RP1: variants seen among roughly 807,000 people sequenced by gnomAD.
RP1 encodes RP1 axonemal microtubule associated, also known as oxygen-regulated protein 1.
Under a neutral mutation model 14.8 loss-of-function variants are expected in RP1, and 16 were observed. The ratio of observed to expected loss-of-function variants is 1.08; its 90% CI spans 0.73 to 1.65. The LOEUF (loss-of-function observed/expected upper bound fraction) is 1.65, where lower values mean the gene tolerates loss of function less well. Among genes scored for constraint, RP1 ranks in the 40% most tolerant of loss-of-function variants. The pLI is 0.00. For missense variants in RP1, 2,631 were observed against 2,535.0 expected, an observed-to-expected ratio of 1.04 and a Z score of -0.81; for synonymous variants, 876 against 883.6, an observed-to-expected ratio of 0.99 and a Z score of 0.15.
chr8:54,627,608 T>C lies in RP1; in HGVS notation c.3726T>C (p.Ser1242=). 1 of 1,614,188 alleles carries C rather than the reference T, an allele frequency of 6.2e-7. No individual in the cohort carries two copies. The highest frequency in any genetic ancestry group is 8.5e-7 in the Non-Finnish European group (1 of 1,179,982). Residue 1242 remains serine (S), a synonymous_variant, in exon 4 of 4, where the codon AGT becomes AGC. Transcript: ENST00000220676. ...ISSLDGGCSA[S]EACAPEVCVL... ...CTTTGGATGGAGGTTGCTCTGCCAG[T>C]GAGGCATGTGCCCCTGAAGTCTGTG...
At chr8:54,730,035 C>T (rs536332852) in intron 17 of RP1, among the ~76,000 whole-genome samples, 1 of 151,706 alleles carries the variant, frequency 6.6e-6, no homozygotes, top group Non-Finnish European at 1.5e-5. Flanking sequence ...TGTAAGTTTT[C>T]GTTCATCATA....
intron 15 of RP1, among the ~76,000 whole-genome samples, chr8:54,716,448 A>G (rs2129348841): frequency 6.6e-6 from 1 of 152,278 alleles, no homozygotes; most frequent in East Asian, 1.9e-4. Context: ...CGGGACATAG[A>G]CCATTCTTGA....
intron 23 of RP1, among the ~76,000 whole-genome samples, chr8:54,776,082 A>G (rs902781601): frequency 1.3e-5 from 2 of 152,242 alleles, no homozygotes; most frequent in Non-Finnish European, 2.9e-5. Context: ...TTTAAAAAAT[A>G]CTATTTATAC....
intron 3 of RP1, among the ~76,000 whole-genome samples, chr8:54,646,909 C>T (rs557333933): frequency 6.6e-6 from 1 of 152,278 alleles, no homozygotes; most frequent in South Asian, 2.1e-4. Flanking sequence ...AGTCATCCTA[C>T]AGAGCATAGC....
intron 4 of RP1, among the ~76,000 whole-genome samples, chr8:54,650,662 T>TC (rs1806637197): frequency 9.7e-6 from 1 of 102,834 alleles, no homozygotes; most frequent in Admixed American, 1.1e-4. Context: ...TCCCTTCCCC[T>TC]CCCCCGTCTA....
Position 54,726,343 on chromosome 8 carries a change from A to C in RP1, c.2390-2A>C. The C allele has an allele frequency of 6.6e-7, 1 of 1,518,350 alleles. No homozygotes were observed. The highest frequency in any genetic ancestry group is 8.8e-7 in the Non-Finnish European group (1 of 1,140,966). The allele number at this position is 1,518,350 out of a possible 1,614,324, so 94.1% of individuals were successfully genotyped here. A position where few individuals can be genotyped will look rare whatever the true frequency, so the allele number is the denominator to read the frequency against. On this transcript the variant is annotated splice_acceptor_variant, in intron 16 of 22. Coordinates refer to the RP1 transcript ENST00000636932. LOFTEE classifies it high-confidence loss of function. ...TGGCATCTTTTAAAATCTTAATTTC[A>C]GTTGGCAGAGAAAACCCAATGGGAA...
chr8:54,749,862 CTTT>C (rs76358471), intron 19 of RP1, among the ~76,000 whole-genome samples: 7 of 139,930 alleles, frequency 5.0e-5, no homozygotes, highest in African/African-American at 1.8e-4. Flanking sequence ...TTGGAGGTTT[CTTT>C]TTTTTTTTTT....
At chr8:54,736,478 A>G (rs1157074861) in intron 18 of RP1, among the ~76,000 whole-genome samples, 2 of 152,164 alleles carry the variant, frequency 1.3e-5, no homozygotes, top group African/African-American at 4.8e-5. Context: ...ATACTCACTT[A>G]AAAGCCTTGC....
chr8:54,754,150 G>C (rs956547456), intron 19 of RP1, among the ~76,000 whole-genome samples: 11 of 152,136 alleles, frequency 7.2e-5, no homozygotes, highest in East Asian at 3.9e-4. Context: ...CACTGGGTTG[G>C]GGGGAAGGGC....
chr8:54,702,976 T>C (rs955516270), intron 14 of RP1, among the ~76,000 whole-genome samples: 6 of 152,216 alleles, frequency 3.9e-5, no homozygotes, highest in African/African-American at 1.4e-4. Context: ...GCTCCACTTC[T>C]CATTCTAGCT....
chr8:54,778,066 C>T (rs562104333), intron 23 of RP1, among the ~76,000 whole-genome samples: 10 of 152,114 alleles, frequency 6.6e-5, no homozygotes, highest in Non-Finnish European at 1.5e-4. Flanking sequence ...GATCCCAAAA[C>T]GTTTCATAAA....
chr8:54,821,796 C>T (rs1413350520), intron 24 of RP1, among the ~76,000 whole-genome samples: 1 of 152,182 alleles, frequency 6.6e-6, no homozygotes, highest in Non-Finnish European at 1.5e-5. Context: ...CTGTACTGCC[C>T]ATATTTTGCC....
At chr8:54,559,652 C>T (rs768970974) in intron 1 of RP1, among the ~76,000 whole-genome samples, 51 of 152,220 alleles carry the variant, frequency 3.4e-4, no homozygotes, top group Non-Finnish European at 4.9e-4. Flanking sequence ...GCCATGTATA[C>T]GACTTGTGAT....
chr8:54,696,729 G>A (rs923132939), intron 12 of RP1: 9 of 723,574 alleles, frequency 1.2e-5, no homozygotes, highest in African/African-American at 8.7e-5. Flanking sequence ...TCAAGACTTC[G>A]CCTAAAGAAA....
At chr8:54,685,473 T>A (rs1255499052) in intron 12 of RP1, among the ~76,000 whole-genome samples, 2 of 152,156 alleles carry the variant, frequency 1.3e-5, no homozygotes, top group African/African-American at 4.8e-5. Flanking sequence ...TTTGAATGAA[T>A]TTCTTAATTT....
chr8:54,679,443 A>T, exon 10 of RP1: 1 of 1,535,918 alleles, frequency 6.5e-7, no homozygotes, highest in South Asian at 1.2e-5. Context: ...GGGGAAGATG[A>T]TTGTAAAATT....
chr8:54,602,969 T>G (rs4563868), intron 1 of RP1, among the ~76,000 whole-genome samples: 36,769 of 152,072 alleles, frequency 0.24, 4,701 homozygotes, highest in Non-Finnish European at 0.26. Context: ...GGCAAAAATT[T>G]TCTCCCATTC....
chr8:54,640,490 A>G (rs1806433518), intron 3 of RP1, among the ~76,000 whole-genome samples: 1 of 152,146 alleles, frequency 6.6e-6, no homozygotes, highest in East Asian at 1.9e-4. Flanking sequence ...CAGCAGCTGG[A>G]GAGTAAAGCT....
intron 19 of RP1, among the ~76,000 whole-genome samples, chr8:54,745,372 A>G (rs981168547): frequency 6.6e-6 from 1 of 152,226 alleles, no homozygotes; most frequent in East Asian, 1.9e-4. Flanking sequence ...ATGTTAATTC[A>G]GACATTGTAA....
Sources: allele counts gnomAD v4.1 joint callset (sites outside exome capture counted in the v4.1 genomes callset), GRCh38; gene constraint gnomAD v4.1.1; transcripts MANE v1.5; gene names NCBI Gene and HGNC (gene_info 2026-07-23, HGNC 2026-07-21).